PRKN: variants seen among roughly 807,000 people sequenced by gnomAD.
PRKN encodes the protein E3 ubiquitin-protein ligase parkin.
A neutral mutation model predicts 59.5 loss-of-function variants in PRKN; 56 were observed. The ratio of observed to expected loss-of-function variants is 0.94; its 90% CI spans 0.76 to 1.18. The LOEUF is 1.18. Ranked by LOEUF, PRKN falls within the 50% of genes most tolerant of loss-of-function variation. The pLI, the probability that PRKN is intolerant of heterozygous loss-of-function variation, is 0.00. For missense variants in PRKN, 657 were observed against 596.4 expected, an observed-to-expected ratio of 1.10 and a Z score of -1.06; for synonymous variants, 250 against 222.1, an observed-to-expected ratio of 1.13 and a Z score of -1.12.
intron 6 of PRKN, among the ~76,000 whole-genome samples, chr6:161,816,794 G>A (rs937030251): frequency 1.3e-5 from 2 of 152,094 alleles, no homozygotes; most frequent in Non-Finnish European, 2.9e-5. Context: ...TGAGCAACGT[G>A]TAAAAGGATT....
At chr6:162,305,312 A>T (rs1004487770) in intron 2 of PRKN, among the ~76,000 whole-genome samples, 1 of 152,228 alleles carries the variant, frequency 6.6e-6, no homozygotes, top group African/African-American at 2.4e-5. Flanking sequence ...CGAAAAGTTA[A>T]TATTATGATA....
intron 6 of PRKN, among the ~76,000 whole-genome samples, chr6:161,843,977 G>T (rs1793096771): frequency 6.6e-6 from 1 of 152,128 alleles, no homozygotes; most frequent in South Asian, 2.1e-4. Flanking sequence ...CACCCTCTCT[G>T]TGAATTCCAC....
chr6:161,723,522 T>C (rs998411756), intron 7 of PRKN, among the ~76,000 whole-genome samples: 1 of 152,116 alleles, frequency 6.6e-6, no homozygotes. Context: ...GCTCCTGTTG[T>C]TGGCGGCTGG....
rs930993146 is a variant in PRKN, at chr6:161,525,209, T to C, written c.1083+23645A>G. 1.3e-5 allele frequency among the ~76,000 whole-genome samples: 2 copies of C among 151,952 alleles called. No individual in the cohort carries two copies. Among genetic ancestry groups the C allele is most frequent in the African/African-American group, 4.8e-5 (2 of 41,350 alleles). ...GGACGGGTGAAGCCATAAGGATATATAGTATAAAGCCATCCTTTATAAAAC... is the reference window on the plus strand; with the variant it reads ...GGACGGGTGAAGCCATAAGGATATACAGTATAAAGCCATCCTTTATAAAAC... On this transcript the variant is annotated intron_variant, in intron 9 of 11. Coordinates refer to ENST00000366898, the MANE Select transcript of PRKN (RefSeq NM_004562.3). The surrounding 1 kb of genome is among the most constrained non-coding windows in gnomAD (Gnocchi z 4.7).
intron 1 of PRKN, among the ~76,000 whole-genome samples, chr6:162,448,950 C>T (rs760138546): frequency 4.6e-5 from 7 of 151,520 alleles, no homozygotes; most frequent in East Asian, 3.9e-4. Flanking sequence ...TGCAGTGGCA[C>T]GATCTCAGCT....
Position 161,795,785 on chromosome 6 carries a change from C to T in PRKN, c.735-9877G>A, listed in dbSNP as rs113025433. Among the ~76,000 whole-genome samples, 213 of 152,040 alleles carry T rather than the reference C, an allele frequency of 1.4e-3. 2 individuals are homozygous for T. Among genetic ancestry groups the T allele is most frequent in the Middle Eastern group, 0.01 (3 of 294 alleles). The stretch of plus-strand genomic sequence containing the variant: ...GATATTTCCTGAAAGAAGGAAAATA[C>T]AAACTAAGGCCGAAAAAGCAAAAAT... On this transcript the variant is annotated intron_variant, in intron 6 of 11. Transcript: ENST00000366898.
intron 5 of PRKN, among the ~76,000 whole-genome samples, chr6:162,012,581 C>G (rs978749994): frequency 6.6e-6 from 1 of 152,100 alleles, no homozygotes; most frequent in Non-Finnish European, 1.5e-5. Flanking sequence ...TTACACAATA[C>G]TTTTCTCAAA....
intron 3 of PRKN, among the ~76,000 whole-genome samples, chr6:162,225,067 T>C (rs1260829102): frequency 6.6e-6 from 1 of 152,104 alleles, no homozygotes; most frequent in Middle Eastern, 3.2e-3. Context: ...GGCTGGGAAG[T>C]CCAAGATTGG....
chr6:162,690,847 T>G (rs1017913228), intron 1 of PRKN, among the ~76,000 whole-genome samples: 5 of 151,984 alleles, frequency 3.3e-5, no homozygotes, highest in African/African-American at 1.2e-4. Flanking sequence ...AATTAAAGGA[T>G]CTTTGAAAAA....
chr6:161,507,299 T>C (rs192124680), intron 9 of PRKN, among the ~76,000 whole-genome samples: 65 of 152,306 alleles, frequency 4.3e-4, no homozygotes, highest in Non-Finnish European at 6.3e-4. Flanking sequence ...TGTCTAAGTA[T>C]CTTTTCAGTG....
rs1339843929 is a variant in PRKN, at chr6:161,454,887, GT to G, written c.1084-68011del. Reference sequence around the variant, plus strand: ...TCCTTCCACTCCCCCAGTTGTCTCAGTTTCTCTGTCTTTTCTTCCCCAGCTA... The same window carrying G: ...TCCTTCCACTCCCCCAGTTGTCTCAGTTCTCTGTCTTTTCTTCCCCAGCTA... On this transcript the variant is annotated intron_variant, in intron 9 of 11. Coordinates refer to ENST00000366898, the MANE Select transcript of PRKN (RefSeq NM_004562.3). The surrounding 1 kb of genome is among the most constrained non-coding windows in gnomAD (Gnocchi z 4.6). Among the ~76,000 whole-genome samples, 6 of 152,186 alleles carry G rather than the reference GT, an allele frequency of 3.9e-5. No homozygotes were observed. Among genetic ancestry groups the G allele is most frequent in the African/African-American group, 1.2e-4 (5 of 41,540 alleles).
intron 9 of PRKN, among the ~76,000 whole-genome samples, chr6:161,496,968 T>C (rs1265094649): frequency 6.6e-6 from 1 of 152,204 alleles, no homozygotes; most frequent in Non-Finnish European, 1.5e-5. Context: ...TCCAGAACCG[T>C]GAGACAACAC....
intron 6 of PRKN, among the ~76,000 whole-genome samples, chr6:161,856,419 T>C (rs1374475038): frequency 1.3e-5 from 2 of 150,042 alleles, no homozygotes; most frequent in Non-Finnish European, 3.0e-5. Context: ...TCTACAGAGC[T>C]TCTGTAGGAT....
intron 2 of PRKN, among the ~76,000 whole-genome samples, chr6:162,291,655 G>A (rs529232585): frequency 6.6e-6 from 1 of 152,282 alleles, no homozygotes; most frequent in South Asian, 2.1e-4. Flanking sequence ...TAAGCTGACA[G>A]GAGAATTTCC....
chr6:162,387,488 A>G (rs184791152), intron 2 of PRKN, among the ~76,000 whole-genome samples: 58 of 151,950 alleles, frequency 3.8e-4, no homozygotes, highest in Non-Finnish European at 6.0e-4. Flanking sequence ...AGAAGAAAAT[A>G]AAAATTAATG....
chr6:162,669,768 T>C (rs573848906), intron 1 of PRKN, among the ~76,000 whole-genome samples: 1 of 152,292 alleles, frequency 6.6e-6, no homozygotes, highest in East Asian at 1.9e-4. Flanking sequence ...AAAGTTAGAA[T>C]CCTAAATATT....
Position 161,787,014 on chromosome 6 carries a change from A to G in PRKN, c.735-1106T>C, listed in dbSNP as rs57601970. On this transcript the variant is annotated intron_variant, in intron 6 of 11. Coordinates refer to ENST00000366898, the MANE Select transcript of PRKN (RefSeq NM_004562.3). ...AATACATGAATTTGAAATCAGCCCC[A>G]AGGCGATTTTAATAGTAAGAAAGTT... is the stretch of plus-strand genomic sequence containing the variant. 8.6e-3 allele frequency among the ~76,000 whole-genome samples: 1,316 copies of G among 152,254 alleles called. 27 individuals are homozygous for G. The highest frequency in any genetic ancestry group is 0.03 in the African/African-American group (1,245 of 41,558).
chr6:161,760,705 C>G (rs1447201023), intron 7 of PRKN, among the ~76,000 whole-genome samples: 3 of 152,188 alleles, frequency 2.0e-5, no homozygotes, highest in Non-Finnish European at 4.4e-5. Flanking sequence ...GAACCCCGTC[C>G]ATGGCTGAAC....
intron 7 of PRKN, among the ~76,000 whole-genome samples, chr6:161,737,280 C>G (rs6941719): frequency 6.6e-6 from 1 of 151,964 alleles, no homozygotes; most frequent in Admixed American, 6.6e-5. Flanking sequence ...GACTGCTTGA[C>G]CAGAACAATG....
Sources: allele counts gnomAD v4.1 joint callset (sites outside exome capture counted in the v4.1 genomes callset), GRCh38; gene constraint gnomAD v4.1.1; non-coding constraint Gnocchi (gnomAD v3.1); transcripts MANE v1.5; gene names NCBI Gene and HGNC (gene_info 2026-07-23, HGNC 2026-07-21).